The following ADAM9 variants were observed in gnomAD, a reference collection of about 807,000 sequenced individuals.
ADAM9 encodes the protein disintegrin and metalloproteinase domain-containing protein 9.
A neutral mutation model predicts 108.1 loss-of-function variants in ADAM9; 54 were observed. The observed-to-expected ratio is 0.50, with a 90% CI of 0.40 to 0.63. The LOEUF is 0.63. ADAM9 is among the 20% of genes least tolerant of loss of function. The pLI is 0.00. For missense variants in ADAM9, 830 were observed against 997.7 expected (o/e 0.83, Z 2.26); for synonymous variants, 316 against 336.0 (o/e 0.94, Z 0.65).
chr8:39,011,642 C>T lies in ADAM9; in HGVS notation c.196-16C>T. On this transcript the variant is annotated splice_polypyrimidine_tract_variant and intron_variant, in intron 2 of 21. Coordinates refer to ENST00000487273, the MANE Select transcript of ADAM9 (RefSeq NM_003816.3). ...TTAAGATGATGTTTTATTCTTTTCC[C>T]CTTCTGTGCATTTAGGTATCTTATG... 8 of 1,602,512 alleles carry T rather than the reference C, an allele frequency of 5.0e-6. No homozygotes were observed. Among genetic ancestry groups the T allele is most frequent in the South Asian group, 1.1e-5 (1 of 90,764 alleles).
intron 2 of ADAM9, among the ~76,000 whole-genome samples, chr8:39,009,902 G>A (rs902927418): frequency 2.1e-5 from 2 of 94,358 alleles, no homozygotes; most frequent in Non-Finnish European, 4.4e-5. Context: ...TGATGGGGGG[G>A]GGGGGCAGGG....
At chr8:39,022,776 C>T (rs1208501333) in intron 8 of ADAM9, among the ~76,000 whole-genome samples, 2 of 152,004 alleles carry the variant, frequency 1.3e-5, no homozygotes, top group South Asian at 2.1e-4. Flanking sequence ...TCCAGTGGCG[C>T]AATCTCGGCT....
chr8:39,082,951 T>C lies in ADAM9; in HGVS notation c.1963-17T>C. On this transcript the variant is annotated splice_polypyrimidine_tract_variant and intron_variant, in intron 17 of 21. Transcript: ENST00000487273. ...ACATTCACAATTAACAAAAGTGGTATTTTGATTGTTTTGAAGGTATGTAAT... is the reference window on the plus strand; with the variant it reads ...ACATTCACAATTAACAAAAGTGGTACTTTGATTGTTTTGAAGGTATGTAAT... 1 of 1,599,912 alleles carries C rather than the reference T, an allele frequency of 6.3e-7. No homozygotes were observed. Among genetic ancestry groups the C allele is most frequent in the Non-Finnish European group, 8.6e-7 (1 of 1,167,710 alleles).
intron 12 of ADAM9, among the ~76,000 whole-genome samples, chr8:39,048,639 C>G (rs1837852761): frequency 6.6e-6 from 1 of 152,138 alleles, no homozygotes; most frequent in Non-Finnish European, 1.5e-5. Context: ...GATCTTCTAT[C>G]TAGATGTTTT....
At chr8:39,014,611 C>T (rs1029970909) in intron 4 of ADAM9, 2 of 700,928 alleles carry the variant, frequency 2.9e-6, no homozygotes, top group African/African-American at 1.8e-5. Context: ...AGAGCATAAA[C>T]ATTTCTAGTT....
intron 9 of ADAM9, among the ~76,000 whole-genome samples, chr8:39,024,699 G>A (rs1836863646): frequency 6.6e-6 from 1 of 152,192 alleles, no homozygotes; most frequent in Admixed American, 6.5e-5. Context: ...GGACATAGCA[G>A]TGAACAAAAC....
chr8:39,017,456 T>G (rs1361089586), intron 6 of ADAM9, 42 bp downstream of exon 6: 6 of 1,586,348 alleles, frequency 3.8e-6, no homozygotes, highest in Non-Finnish European at 4.3e-6. Context: ...GACTACCATT[T>G]TAGAAAAATC....
At chr8:39,051,035 A>G (rs1451206835) in intron 12 of ADAM9, among the ~76,000 whole-genome samples, 2 of 151,996 alleles carry the variant, frequency 1.3e-5, no homozygotes, top group Non-Finnish European at 2.9e-5. Context: ...GTAGCGTTGG[A>G]TGTGTGGTCC....
chr8:39,017,488 A>G (rs1379817145), intron 6 of ADAM9, 74 bp downstream of exon 6: 3 of 1,457,304 alleles, frequency 2.1e-6, no homozygotes, highest in African/African-American at 2.8e-5. Context: ...CATGAAATCA[A>G]TACTATGAGT....
rs180809529 is a variant in ADAM9 at position 39,059,484 on chromosome 8, C to A, written c.1591+3712C>A. Among the ~76,000 whole-genome samples, 19 of 152,354 alleles carry A rather than the reference C, an allele frequency of 1.2e-4. No homozygotes were observed. In the East Asian group the frequency reaches 3.5e-3, roughly 28 times the overall value. On this transcript the variant is annotated intron_variant, in intron 14 of 21. Coordinates refer to ENST00000487273, the MANE Select transcript of ADAM9 (RefSeq NM_003816.3). Reference sequence around the variant, plus strand: ...GCTGAGCCCACGCATCGCCTCCAACCCTGCCACTGTGAGTACGTGGTTCCT... The same window carrying A: ...GCTGAGCCCACGCATCGCCTCCAACACTGCCACTGTGAGTACGTGGTTCCT...
At chr8:39,054,690 C>A in intron 13 of ADAM9, 117 bp downstream of exon 13, 2 of 851,300 alleles carry the variant, frequency 2.3e-6, no homozygotes, top group Non-Finnish European at 3.6e-6. Context: ...ATTTTATGGT[C>A]ATGGGAAAAA....
intron 14 of ADAM9, among the ~76,000 whole-genome samples, chr8:39,065,162 A>T (rs1588401732): frequency 7.3e-6 from 1 of 137,538 alleles, no homozygotes; most frequent in African/African-American, 2.7e-5. Context: ...TGGATTTTGG[A>T]TTTCCTGGAT....
At chr8:39,025,981 ATTTTGGGTGT>A in intron 10 of ADAM9, 97 bp downstream of exon 10, 1 of 1,290,220 alleles carries the variant, frequency 7.8e-7, no homozygotes, top group Admixed American at 1.7e-5. Flanking sequence ...TTAAAACAAT[ATTTTGGGTGT>A]TATGAGGAAC....
At chr8:39,014,393 A>G (rs1233989479) in intron 4 of ADAM9, 2 of 561,912 alleles carry the variant, frequency 3.6e-6, no homozygotes, top group Admixed American at 3.4e-5. Context: ...TTATTAAAAC[A>G]TTTAATTTGT....
chr8:39,006,015 C>A (rs1473503628), intron 1 of ADAM9, among the ~76,000 whole-genome samples: 1 of 152,126 alleles, frequency 6.6e-6, no homozygotes, highest in African/African-American at 2.4e-5. Flanking sequence ...TCTTGAGGTC[C>A]CAAGATAACT....
intron 11 of ADAM9, among the ~76,000 whole-genome samples, chr8:39,032,703 T>C (rs1837136501): frequency 6.6e-6 from 1 of 152,232 alleles, no homozygotes; most frequent in African/African-American, 2.4e-5. Flanking sequence ...CCCAATGAGA[T>C]GAACCAGGTA....
At chr8:39,023,777 C>T (rs1185308817) in intron 9 of ADAM9, among the ~76,000 whole-genome samples, 1 of 120,480 alleles carries the variant, frequency 8.3e-6, no homozygotes, top group Non-Finnish European at 1.6e-5. Context: ...GACAGAGTCT[C>T]ACTCTGTTGC....
At chr8:39,018,741 T>A (rs1836632095) in intron 6 of ADAM9, 112 bp from the exon 7 acceptor site, 1 of 960,378 alleles carries the variant, frequency 1.0e-6, no homozygotes, top group Admixed American at 1.9e-5. Context: ...ATATGTTAAG[T>A]AAAATAATTT....
intron 2 of ADAM9, among the ~76,000 whole-genome samples, chr8:39,008,476 T>C (rs1301749894): frequency 6.6e-6 from 1 of 152,136 alleles, no homozygotes; most frequent in Non-Finnish European, 1.5e-5. Flanking sequence ...GCCCAGCCAG[T>C]ATCTTTTCTT....
Sources: allele counts gnomAD v4.1 joint callset (sites outside exome capture counted in the v4.1 genomes callset), GRCh38; gene constraint gnomAD v4.1.1; transcripts MANE v1.5; gene names NCBI Gene and HGNC (gene_info 2026-07-23, HGNC 2026-07-21).